The following EPHA4 variants were observed in gnomAD, a reference collection of about 807,000 sequenced individuals.
EPHA4 encodes EPH receptor A4.
A neutral mutation model predicts 108.3 loss-of-function variants in EPHA4; 19 were observed. The observed-to-expected ratio is 0.18, with a 90% CI of 0.12 to 0.26. The LOEUF (loss-of-function observed/expected upper bound fraction) is 0.26, where lower values mean the gene tolerates loss of function less well. Ranked by LOEUF, EPHA4 falls within the 10% of genes least tolerant of loss-of-function variation. The pLI is 1.00. For missense variants in EPHA4, 917 were observed against 1,254.0 expected, an observed-to-expected ratio of 0.73 and a Z score of 4.06; for synonymous variants, 449 against 455.5, an observed-to-expected ratio of 0.99 and a Z score of 0.18.
At chr2:221,442,713 T>C in intron 11 of EPHA4, 116 bp downstream of exon 11, 3 of 1,062,194 alleles carry the variant, frequency 2.8e-6, no homozygotes, top group Non-Finnish European at 4.2e-6. Context: ...TGCACTGATT[T>C]CCTCCTATTA....
intron 4 of EPHA4, among the ~76,000 whole-genome samples, chr2:221,489,417 C>T (rs1157268903): frequency 6.6e-6 from 1 of 152,186 alleles, no homozygotes. Flanking sequence ...CTTTAAAACT[C>T]ACATTGTTAG....
At chr2:221,557,376 T>C (rs925776322) in intron 3 of EPHA4, among the ~76,000 whole-genome samples, 1 of 151,838 alleles carries the variant, frequency 6.6e-6, no homozygotes, top group Non-Finnish European at 1.5e-5. Flanking sequence ...GTCACCATAT[T>C]TCTATCTAAC....
At chr2:221,455,761 G>T in intron 7 of EPHA4, 103 bp from the exon 8 acceptor site, 1 of 780,642 alleles carries the variant, frequency 1.3e-6, no homozygotes, top group African/African-American at 1.7e-5. Flanking sequence ...CTTGGAGAGA[G>T]AAAGACACTT....
intron 3 of EPHA4, among the ~76,000 whole-genome samples, chr2:221,518,500 G>A (rs1169612107): frequency 6.6e-6 from 1 of 152,118 alleles, no homozygotes; most frequent in Non-Finnish European, 1.5e-5. Flanking sequence ...TTGGTAACCT[G>A]TAACCTGTAA....
In EPHA4 at chr2:221,446,190, A is replaced by G. The variant is rs570156017; in HGVS notation, c.1716-9T>C. On this transcript the variant is annotated splice_polypyrimidine_tract_variant and intron_variant, in intron 8 of 17. Transcript: ENST00000281821. Reference sequence around the variant, plus strand: ...TACTGTATTTACTCCGTCTATTAAAATTTTTTTAAAAAAGAGAATTATTTT... The same window carrying G: ...TACTGTATTTACTCCGTCTATTAAAGTTTTTTTAAAAAAGAGAATTATTTT... 1 of 1,489,724 alleles carries G rather than the reference A, an allele frequency of 6.7e-7. No homozygotes were observed. The highest frequency in any genetic ancestry group is 2.2e-5 in the Admixed American group (1 of 44,830). 92.3% of individuals were successfully genotyped at this position (1,489,724 alleles called of 1,614,324 possible). A position where few individuals can be genotyped will look rare whatever the true frequency, so the allele number is the denominator to read the frequency against.
chr2:221,436,435 C>T lies in EPHA4; in HGVS notation c.2310G>A (p.Val770=), dbSNP rs1690241184. ...AAGCTGCTTCCGGATCATCCTCAAG[C>T]ACTCGGGACATGCCAAAATCAGACA... ...CKVSDFGMSR[V]LEDDPEAAYT... Residue 770 remains valine (V), a synonymous_variant, in exon 13 of 18, where the codon GTG becomes GTA. Transcript: ENST00000281821. 1 of 1,614,082 alleles carries T rather than the reference C, an allele frequency of 6.2e-7. No homozygotes were observed. The highest frequency in any genetic ancestry group is 1.3e-5 in the African/African-American group (1 of 74,920).
At chr2:221,452,656 A>C (rs369952364) in intron 8 of EPHA4, among the ~76,000 whole-genome samples, 12 of 152,190 alleles carry the variant, frequency 7.9e-5, no homozygotes, top group African/African-American at 2.7e-4. Flanking sequence ...TTTTCTAAAA[A>C]GTGATCCATT....
At chr2:221,453,319 G>A (rs1174706675) in intron 8 of EPHA4, among the ~76,000 whole-genome samples, 1 of 152,004 alleles carries the variant, frequency 6.6e-6, no homozygotes, top group African/African-American at 2.4e-5. Flanking sequence ...TGTATACTGT[G>A]AACATTTCAG....
intron 3 of EPHA4, among the ~76,000 whole-genome samples, chr2:221,516,436 C>G (rs1047085389): frequency 2.7e-4 from 41 of 151,062 alleles, no homozygotes; most frequent in Middle Eastern, 3.4e-3. Context: ...CTCACTGCAA[C>G]CTCCGCCTCT....
intron 8 of EPHA4, among the ~76,000 whole-genome samples, chr2:221,451,788 G>A (rs1690792915): frequency 6.6e-6 from 1 of 152,128 alleles, no homozygotes; most frequent in Admixed American, 6.5e-5. Flanking sequence ...AAATCAATGT[G>A]CCTAGTATAA....
At chr2:221,546,978 A>C (rs941411913) in intron 3 of EPHA4, among the ~76,000 whole-genome samples, 2 of 152,190 alleles carry the variant, frequency 1.3e-5, no homozygotes, top group Non-Finnish European at 2.9e-5. Flanking sequence ...TTTTGTGGCT[A>C]TCATAATTCA....
intron 3 of EPHA4, among the ~76,000 whole-genome samples, chr2:221,556,124 A>G (rs1694294540): frequency 6.6e-6 from 1 of 152,226 alleles, no homozygotes; most frequent in Non-Finnish European, 1.5e-5. Context: ...GTGAGTTATA[A>G]CTACTAATAT....
intron 5 of EPHA4, among the ~76,000 whole-genome samples, chr2:221,462,121 C>T (rs995131509): frequency 6.6e-6 from 1 of 151,642 alleles, no homozygotes; most frequent in Non-Finnish European, 1.5e-5. Flanking sequence ...CAGACAAATG[C>T]AGGCATTCTT....
rs922458366 is a variant in EPHA4 at position 221,487,878 on chromosome 2, A to G, written c.980-5188T>C. 5.3e-5 allele frequency among the ~76,000 whole-genome samples: 8 copies of G among 152,154 alleles called. No individual in the cohort carries two copies. The East Asian group carries it at 1.5e-3, about 29-fold the overall frequency. ...TGTTCAACTATTTTAAAGTTTTCAT[A>G]TTTAGTATGCCCTTTACATTTGTAA... On this transcript the variant is annotated intron_variant, in intron 4 of 17. Transcript: ENST00000281821.
chr2:221,485,535 C>A (rs1000331161), intron 4 of EPHA4, among the ~76,000 whole-genome samples: 46 of 152,008 alleles, frequency 3.0e-4, no homozygotes, highest in African/African-American at 1.1e-3. Context: ...TGGAGTATAA[C>A]GAAGTCATAT....
chr2:221,510,864 T>G (rs1464345259), intron 3 of EPHA4, among the ~76,000 whole-genome samples: 32 of 152,202 alleles, frequency 2.1e-4, no homozygotes, highest in Admixed American at 2.1e-3. Flanking sequence ...GTAAGTAAAC[T>G]AAACACATTC....
intron 5 of EPHA4, among the ~76,000 whole-genome samples, chr2:221,469,560 C>T (rs1691413305): frequency 6.6e-6 from 1 of 152,144 alleles, no homozygotes; most frequent in Admixed American, 6.6e-5. Context: ...GGCTGAATTC[C>T]TTGGCTTTCA....
intron 15 of EPHA4, 143 bp from the exon 16 acceptor site, chr2:221,426,762 CTA>C (rs1191301907): frequency 1.4e-6 from 1 of 736,120 alleles, no homozygotes; most frequent in East Asian, 2.8e-5. Context: ...TTAAATGTAA[CTA>C]TGCAATATTT....
chr2:221,468,360 G>GA (rs1187705096), intron 5 of EPHA4, among the ~76,000 whole-genome samples: 2 of 152,156 alleles, frequency 1.3e-5, no homozygotes, highest in Non-Finnish European at 2.9e-5. Context: ...GCAGAATACA[G>GA]AAAAGAGAAA....
Sources: gnomAD v4.1 joint callset for allele counts (sites outside exome capture counted in the v4.1 genomes callset) on GRCh38, gnomAD v4.1.1 for gene constraint, MANE v1.5 for transcripts, NCBI Gene and HGNC (gene_info 2026-07-23, HGNC 2026-07-21) for gene names.